The following CRISPLD2 variants were observed in gnomAD, a reference collection of about 807,000 sequenced individuals.
The protein encoded by CRISPLD2 is cysteine rich secretory protein LCCL domain containing 2.
CRISPLD2 carries 47 observed loss-of-function variants against 71.1 expected under a neutral mutation model. That is an observed-to-expected ratio of 0.66 (90% CI 0.52 to 0.84). The LOEUF (loss-of-function observed/expected upper bound fraction) is 0.84. CRISPLD2 is among the 40% of genes least tolerant of loss of function. CRISPLD2 has a pLI of 0.00. For synonymous variants in CRISPLD2, 317 were observed against 250.1 expected, an observed-to-expected ratio of 1.27 and a Z score of -2.52; for missense variants, 830 against 651.1, an observed-to-expected ratio of 1.27 and a Z score of -2.99.
intron 14 of CRISPLD2, among the ~76,000 whole-genome samples, chr16:84,895,387 C>G (rs1427822275): frequency 6.6e-6 from 1 of 152,214 alleles, no homozygotes; most frequent in Admixed American, 6.5e-5. Context: ...CCAAGATATA[C>G]TTGTTCCTGT....
chr16:84,882,761 C>T (rs1270869499), intron 13 of CRISPLD2, among the ~76,000 whole-genome samples: 1 of 152,202 alleles, frequency 6.6e-6, no homozygotes, highest in African/African-American at 2.4e-5. Context: ...TTTAAAAACA[C>T]CGTCTCTAGG....
chr16:84,905,893 A>T (rs907550499), intron 14 of CRISPLD2, among the ~76,000 whole-genome samples: 4 of 151,592 alleles, frequency 2.6e-5, no homozygotes, highest in African/African-American at 4.9e-5. Context: ...TATTTTTCGT[A>T]GAGATGGGGT....
rs1381844335 is a variant in CRISPLD2, at chr16:84,907,524, C to T, written c.*882C>T. The T allele has an allele frequency of 6.6e-6, 1 of 152,238 alleles. No individual in the cohort carries two copies. Among genetic ancestry groups the T allele is most frequent in the Non-Finnish European group, 1.5e-5 (1 of 68,056 alleles). 9.4% of individuals were successfully genotyped at this position (152,238 alleles called of 1,614,324 possible). ...GGTTCACACCCAGGACTTTTCTTTGCAAGCGAACCTGTTTGAAGCCCAAGT... is the reference window on the plus strand; with the variant it reads ...GGTTCACACCCAGGACTTTTCTTTGTAAGCGAACCTGTTTGAAGCCCAAGT... On this transcript the variant is annotated 3_prime_UTR_variant, in exon 15 of 15. Coordinates refer to ENST00000262424, the MANE Select transcript of CRISPLD2 (RefSeq NM_031476.4).
At chr16:84,890,418 C>T (rs765751712) in intron 14 of CRISPLD2, among the ~76,000 whole-genome samples, 14 of 151,854 alleles carry the variant, frequency 9.2e-5, no homozygotes, top group Non-Finnish European at 1.9e-4. Context: ...GTTGATTACT[C>T]CGTATTTCCA....
Position 84,827,980 on chromosome 16 carries a change from T to C in CRISPLD2, c.-75+7847T>C, listed in dbSNP as rs942428591. Among the ~76,000 whole-genome samples, 3 of 152,334 alleles carry C rather than the reference T, an allele frequency of 2.0e-5. No individual in the cohort carries two copies. In the East Asian group the frequency reaches 5.8e-4, roughly 29 times the overall value. On this transcript the variant is annotated intron_variant, in intron 1 of 14. Transcript: ENST00000262424. Reference sequence around the variant, plus strand: ...CATCCGTGTGTCCGGGATGTCCTGCTCACACCTTCGGTATTTACCTGTCCG... The same window carrying C: ...CATCCGTGTGTCCGGGATGTCCTGCCCACACCTTCGGTATTTACCTGTCCG...
intron 6 of CRISPLD2, among the ~76,000 whole-genome samples, chr16:84,865,083 A>G (rs1398123329): frequency 2.6e-5 from 4 of 152,066 alleles, no homozygotes; most frequent in African/African-American, 9.7e-5. Context: ...TGTGTCCTTT[A>G]GCAAAGAAAG....
intron 9 of CRISPLD2, among the ~76,000 whole-genome samples, 186 bp downstream of exon 9, chr16:84,872,694 A>G (rs578076706): frequency 3.2e-4 from 49 of 152,316 alleles, no homozygotes; most frequent in Admixed American, 5.9e-4. Context: ...TCGGGGACCA[A>G]TCCTCCTGAA....
In CRISPLD2 at chr16:84,877,397, G is replaced by A. The variant is rs776912879; in HGVS notation, c.1157-41G>A. The A allele has an allele frequency of 4.7e-5, 75 of 1,588,340 alleles. 1 individual carries two copies. Among genetic ancestry groups the A allele is most frequent in the South Asian group, 3.6e-4 (33 of 90,484 alleles). ...CAGCCTGGTAGCCTGAGGCCCAGGC[G>A]TGCTGGGACCTGACCCTTTCCCCCT... On this transcript the variant is annotated intron_variant, in intron 11 of 14. Coordinates refer to ENST00000262424, the MANE Select transcript of CRISPLD2 (RefSeq NM_031476.4).
intron 11 of CRISPLD2, among the ~76,000 whole-genome samples, chr16:84,874,752 C>T (rs9921962): frequency 0.042 from 6,420 of 152,112 alleles, 463 homozygotes; most frequent in African/African-American, 0.15. Flanking sequence ...AATTTAAACA[C>T]GGAGTGGAAC....
In CRISPLD2 at chr16:84,908,185, G is replaced by C. The variant is rs1054270309; in HGVS notation, c.*1543G>C. 5 of 152,134 alleles carry C rather than the reference G, an allele frequency of 3.3e-5. No homozygotes were observed. Among genetic ancestry groups the C allele is most frequent in the African/African-American group, 1.2e-4 (5 of 41,412 alleles). 9.4% of individuals were successfully genotyped at this position (152,134 alleles called of 1,614,324 possible). ...TAAATGCAGAATCTGAAGGTAAATA[G>C]GTTTAAAACAAAACAAAAACCCACC... On this transcript the variant is annotated 3_prime_UTR_variant, in exon 15 of 15. Coordinates refer to ENST00000262424, the MANE Select transcript of CRISPLD2 (RefSeq NM_031476.4).
chr16:84,836,739 C>A (rs117188893), intron 1 of CRISPLD2, among the ~76,000 whole-genome samples: 2,220 of 152,260 alleles, frequency 0.015, 23 homozygotes, highest in Admixed American at 0.029. Flanking sequence ...CGGCCCCACC[C>A]GAGGATGCCC....
chr16:84,839,252 T>C, intron 2 of CRISPLD2: 1 of 301,676 alleles, frequency 3.3e-6, no homozygotes, highest in Non-Finnish European at 6.5e-6. Context: ...GCCTGCCTCG[T>C]TGCCTTCATG....
chr16:84,867,164 G>A lies in CRISPLD2; in HGVS notation c.853+124G>A, dbSNP rs561964595. ...ATCCACAGGCAGTGGCAAACAGGGT[G>A]CGGCGAAGCTCATGGAGGCACAACC... is the stretch of plus-strand genomic sequence containing the variant. On this transcript the variant is annotated intron_variant, in intron 7 of 14. Transcript: ENST00000262424. The A allele has an allele frequency of 1.5e-4, 149 of 973,806 alleles. 2 individuals carry two copies. In the South Asian group the frequency reaches 2.0e-3, roughly 13 times the overall value. 60.3% of individuals were successfully genotyped at this position (973,806 alleles called of 1,614,324 possible). A position where few individuals can be genotyped will look rare whatever the true frequency, so the allele number is the denominator to read the frequency against.
At chr16:84,890,355 T>G in intron 14 of CRISPLD2, among the ~76,000 whole-genome samples, 1 of 147,522 alleles carries the variant, frequency 6.8e-6, no homozygotes, top group Non-Finnish European at 1.5e-5. Flanking sequence ...TGAGACTCCA[T>G]CTCAAAAAAA....
chr16:84,845,851 G>A lies in CRISPLD2; in HGVS notation c.306G>A (p.Gly102=), dbSNP rs184717285. 4.2e-5 allele frequency: 67 copies of A among 1,614,058 alleles called. No individual in the cohort carries two copies. In the Admixed American group the frequency reaches 7.7e-4, roughly 18 times the overall value. Residue 102 remains glycine (G), a synonymous_variant, in exon 3 of 15, where the codon GGG becomes GGA. Transcript: ENST00000262424. ...CCAGTCAGTGCATCTGGGAGCACGGGCCCACCAGTCTGCTGGTGTCCATCG... is the reference window on the plus strand; with the variant it reads ...CCAGTCAGTGCATCTGGGAGCACGGACCCACCAGTCTGCTGGTGTCCATCG... The part of the protein sequence containing the change: ...AWASQCIWEH[G]PTSLLVSIGQ...
chr16:84,860,055 C>T (rs1472395314), intron 6 of CRISPLD2, among the ~76,000 whole-genome samples: 2 of 146,186 alleles, frequency 1.4e-5, no homozygotes, highest in East Asian at 4.1e-4. Flanking sequence ...AATGACTAAT[C>T]CACTCTACCA....
At chr16:84,889,752 TTGTG>T (rs60555979) in intron 14 of CRISPLD2, among the ~76,000 whole-genome samples, 3,225 of 139,282 alleles carry the variant, frequency 0.023, 27 homozygotes, top group East Asian at 0.045. Context: ...TTGTTTTTCT[TTGTG>T]TGTGTGTGTG....
intron 13 of CRISPLD2, among the ~76,000 whole-genome samples, chr16:84,882,083 G>A (rs182701614): frequency 6.6e-6 from 1 of 152,122 alleles, no homozygotes; most frequent in East Asian, 1.9e-4. Flanking sequence ...CCAAATGTTT[G>A]AACCAAATTC....
chr16:84,850,129 C>T lies in CRISPLD2; in HGVS notation c.493-439C>T, dbSNP rs551127101. On this transcript the variant is annotated intron_variant, in intron 4 of 14. Coordinates refer to ENST00000262424, the MANE Select transcript of CRISPLD2 (RefSeq NM_031476.4). ...TTTTTGAAACGGAGTCTCCCTCTGT[C>T]GCCCAGGCTGGAGTGCAGTGGCACG... 1.9e-3 allele frequency among the ~76,000 whole-genome samples: 284 copies of T among 147,796 alleles called. 1 individual carries two copies. Among genetic ancestry groups the T allele is most frequent in the Admixed American group, 4.0e-3 (60 of 14,862 alleles).
Sources: gnomAD v4.1 joint callset for allele counts (sites outside exome capture counted in the v4.1 genomes callset) on GRCh38, gnomAD v4.1.1 for gene constraint, MANE v1.5 for transcripts, NCBI Gene and HGNC (gene_info 2026-07-23, HGNC 2026-07-21) for gene names.